The following FARS2 variants were observed in gnomAD, a reference collection of about 807,000 sequenced individuals.
FARS2 encodes the protein phenylalanine--tRNA ligase, mitochondrial.
Under a neutral mutation model 46.4 loss-of-function variants are expected in FARS2, and 40 were observed. The ratio of observed to expected loss-of-function variants is 0.86; its 90% CI spans 0.67 to 1.12. The LOEUF (loss-of-function observed/expected upper bound fraction) is 1.12, where lower values mean the gene tolerates loss of function less well. FARS2 is among the 50% of genes most tolerant of loss of function. The pLI is 0.00. For synonymous variants in FARS2, 234 were observed against 214.9 expected (o/e 1.09, Z -0.78); for missense variants, 513 against 567.9 (o/e 0.90, Z 0.98).
intron 6 of FARS2, among the ~76,000 whole-genome samples, chr6:5,693,908 T>A (rs1427625977): frequency 6.6e-6 from 1 of 152,240 alleles, no homozygotes; most frequent in East Asian, 1.9e-4. Flanking sequence ...AGCTCCGCTA[T>A]CTTTGTCACC....
intron 6 of FARS2, among the ~76,000 whole-genome samples, chr6:5,677,130 A>G (rs1394511904): frequency 1.3e-5 from 2 of 152,262 alleles, no homozygotes; most frequent in Non-Finnish European, 2.9e-5. Flanking sequence ...TAATTTTTAT[A>G]TAACCAAAGA....
intron 4 of FARS2, among the ~76,000 whole-genome samples, chr6:5,436,252 A>G (rs1410383558): frequency 3.3e-5 from 5 of 152,220 alleles, no homozygotes; most frequent in African/African-American, 9.6e-5. Context: ...CTTGTTTGCA[A>G]GGAGGGATAT....
At chr6:5,270,521 C>T (rs544112556) in intron 1 of FARS2, among the ~76,000 whole-genome samples, 28 of 152,280 alleles carry the variant, frequency 1.8e-4, no homozygotes, top group East Asian at 5.8e-4. Flanking sequence ...AGAGATTCCA[C>T]GTGTGTCAAG....
chr6:5,267,167 A>AAAC (rs1443077751), intron 1 of FARS2, among the ~76,000 whole-genome samples: 2 of 151,536 alleles, frequency 1.3e-5, no homozygotes, highest in Admixed American at 6.6e-5. Flanking sequence ...CTTAAAAAAA[A>AAAC]AAAACTCATT....
chr6:5,686,476 G>C (rs1297055801), intron 6 of FARS2, among the ~76,000 whole-genome samples: 1 of 152,104 alleles, frequency 6.6e-6, no homozygotes, highest in Non-Finnish European at 1.5e-5. Flanking sequence ...CCTTGCTATA[G>C]TTTGCTAAGA....
At chr6:5,652,118 G>T (rs77848476) in intron 6 of FARS2, among the ~76,000 whole-genome samples, 1 of 152,164 alleles carries the variant, frequency 6.6e-6, no homozygotes, top group African/African-American at 2.4e-5. Flanking sequence ...GCATGGGCAG[G>T]AGATGTGAGG....
intron 2 of FARS2, among the ~76,000 whole-genome samples, chr6:5,401,803 G>A (rs1369321730): frequency 3.9e-5 from 6 of 152,090 alleles, no homozygotes; most frequent in African/African-American, 9.7e-5. Context: ...TCTTGTTTCC[G>A]TGTTGTTTTT....
chr6:5,701,881 A>C (rs1394241878), intron 6 of FARS2, among the ~76,000 whole-genome samples: 4 of 152,144 alleles, frequency 2.6e-5, no homozygotes, highest in Non-Finnish European at 5.9e-5. Context: ...GCTTTTCATT[A>C]CTCATTTTTA....
intron 1 of FARS2, among the ~76,000 whole-genome samples, chr6:5,270,365 G>T (rs1765859133): frequency 1.2e-5 from 1 of 86,638 alleles, no homozygotes; most frequent in South Asian, 4.6e-4. Context: ...TGGGCTGGAT[G>T]ATAATTACAG....
chr6:5,674,193 T>TA (rs71540878), intron 6 of FARS2, among the ~76,000 whole-genome samples: 34,612 of 76,342 alleles, frequency 0.45, 8,204 homozygotes, highest in Non-Finnish European at 0.5. Context: ...GCATTCTCAT[T>TA]AAAAAAAAAA....
intron 4 of FARS2, among the ~76,000 whole-genome samples, chr6:5,453,183 A>G (rs1024304968): frequency 1.1e-4 from 16 of 152,258 alleles, no homozygotes; most frequent in Admixed American, 6.5e-4. Flanking sequence ...TGTAAAGGAT[A>G]TGAGATAGTG....
intron 5 of FARS2, among the ~76,000 whole-genome samples, chr6:5,546,442 G>A (rs896790161): frequency 2.6e-5 from 4 of 151,576 alleles, no homozygotes; most frequent in Admixed American, 6.6e-5. Flanking sequence ...AGTAGAGACG[G>A]GGTTTCACCA....
At chr6:5,301,847 A>ACACACACACACACAC (rs57552015) in intron 1 of FARS2, among the ~76,000 whole-genome samples, 1 of 150,152 alleles carries the variant, frequency 6.7e-6, no homozygotes, top group African/African-American at 2.5e-5. Context: ...ACACACACAC[A>ACACACACACACACAC]AAGAAAATGG....
intron 6 of FARS2, among the ~76,000 whole-genome samples, chr6:5,662,264 G>A (rs1434199172): frequency 6.6e-6 from 1 of 152,072 alleles, no homozygotes; most frequent in Non-Finnish European, 1.5e-5. Flanking sequence ...CATCCTTGCA[G>A]TGCATTGCAG....
intron 6 of FARS2, among the ~76,000 whole-genome samples, chr6:5,717,933 T>TGGAG (rs1554128878): frequency 2.3e-5 from 3 of 128,222 alleles, no homozygotes; most frequent in African/African-American, 3.9e-5. Flanking sequence ...TATATATATA[T>TGGAG]ATACAGAGTC....
intron 2 of FARS2, among the ~76,000 whole-genome samples, chr6:5,392,864 A>G (rs902948431): frequency 4.1e-5 from 6 of 147,642 alleles, no homozygotes; most frequent in East Asian, 3.9e-4. Flanking sequence ...ATGTGTGTGT[A>G]TATATTATAT....
chr6:5,290,093 A>T (rs1472565057), intron 1 of FARS2, among the ~76,000 whole-genome samples: 2 of 152,234 alleles, frequency 1.3e-5, no homozygotes, highest in Non-Finnish European at 2.9e-5. Context: ...AATAAGAAAT[A>T]GCTTGCTGTG....
chr6:5,538,859 C>G (rs983074909), intron 4 of FARS2, among the ~76,000 whole-genome samples: 1 of 152,154 alleles, frequency 6.6e-6, no homozygotes, highest in African/African-American at 2.4e-5. Flanking sequence ...AATTGATTGT[C>G]ACAGGCAAAC....
chr6:5,513,923 A>G (rs1057513350), intron 4 of FARS2, among the ~76,000 whole-genome samples: 2 of 142,152 alleles, frequency 1.4e-5, no homozygotes, highest in African/African-American at 5.4e-5. Flanking sequence ...TAGGTTATCT[A>G]AAAAAAAAAA....
Sources: gnomAD v4.1 joint callset for allele counts (sites outside exome capture counted in the v4.1 genomes callset) on GRCh38, gnomAD v4.1.1 for gene constraint, MANE v1.5 for transcripts, NCBI Gene and HGNC (gene_info 2026-07-23, HGNC 2026-07-21) for gene names.